The following SI variants were observed in gnomAD, a reference collection of about 807,000 sequenced individuals.
The protein encoded by SI is sucrase-isomaltase, intestinal.
In SI, 235 loss-of-function variants were observed where a neutral mutation model predicts 253.3. The observed-to-expected ratio is 0.93, with a 90% CI of 0.83 to 1.03. The LOEUF is 1.03. SI is among the 50% of genes least tolerant of loss of function. The pLI, the probability that SI is intolerant of heterozygous loss-of-function variation, is 0.00. For missense variants in SI, 2,442 were observed against 2,211.1 expected, an observed-to-expected ratio of 1.10 and a Z score of -2.09; for synonymous variants, 819 against 712.0, an observed-to-expected ratio of 1.15 and a Z score of -2.39.
At chr3:164,998,396 G>A (rs750440426) in intron 38 of SI, 144 bp downstream of exon 38, 18 of 805,544 alleles carry the variant, frequency 2.2e-5, no homozygotes, top group Admixed American at 1.8e-4. Flanking sequence ...CTGGCCCACT[G>A]TCTTTTTCTG....
chr3:165,077,279 C>T (rs903387246), intron 1 of SI, among the ~76,000 whole-genome samples: 2 of 151,578 alleles, frequency 1.3e-5, no homozygotes, highest in African/African-American at 4.8e-5. Context: ...AATTCAAATG[C>T]CATGGTGAGT....
Position 165,043,635 on chromosome 3 carries a change from C to A in SI, c.1888-460G>T, listed in dbSNP as rs144485111. Among the ~76,000 whole-genome samples the A allele has an allele frequency of 4.3e-3, 652 of 152,070 alleles. 1 individual carries two copies. Among genetic ancestry groups the A allele is most frequent in the Non-Finnish European group, 7.2e-3 (487 of 67,938 alleles). On this transcript the variant is annotated intron_variant, in intron 16 of 47. Transcript: ENST00000264382. The stretch of plus-strand genomic sequence containing the variant: ...ATTAATTATTCTGAATAAAATTGAG[C>A]TTTGCCCGATGTGTACCCATGTAAG...
At chr3:165,073,548 T>C (rs1313878580) in intron 3 of SI, among the ~76,000 whole-genome samples, 3 of 152,168 alleles carry the variant, frequency 2.0e-5, no homozygotes, top group South Asian at 2.1e-4. Context: ...ATAAATTTTA[T>C]AGTTTATTCA....
At chr3:165,057,996 C>T (rs1713779096) in intron 12 of SI, among the ~76,000 whole-genome samples, 1 of 151,750 alleles carries the variant, frequency 6.6e-6, no homozygotes, top group Non-Finnish European at 1.5e-5. Flanking sequence ...TTTTTCAGCA[C>T]ATGAATTATT....
chr3:165,055,389 T>A, intron 12 of SI, 82 bp from the exon 13 acceptor site: 1 of 790,600 alleles, frequency 1.3e-6, no homozygotes, highest in Admixed American at 2.1e-5. Flanking sequence ...AAGTTGAGAA[T>A]AGTAAAAAAA....
chr3:165,072,383 A>C (rs940143435), intron 3 of SI, among the ~76,000 whole-genome samples: 1 of 152,054 alleles, frequency 6.6e-6, no homozygotes, highest in Non-Finnish European at 1.5e-5. Flanking sequence ...TATTTAATGA[A>C]AAGTATTATT....
chr3:165,013,986 C>G (rs760676571), intron 33 of SI, among the ~76,000 whole-genome samples: 1 of 152,120 alleles, frequency 6.6e-6, no homozygotes, highest in Non-Finnish European at 1.5e-5. Flanking sequence ...CTCAGCCACT[C>G]AAACTGCAAG....
At position 165,039,097 on chromosome 3, in the gene SI, A is replaced by G. The variant is rs1712683433; in HGVS notation, c.2282T>C (p.Ile761Thr). ...DTVSAYIPDAIWYDYESGAKR... is the reference protein window; with the variant it reads ...DTVSAYIPDATWYDYESGAKR... ...ACTTACAGATTCATAATCATACCAAATAGCATCAGGGATGTAGGCACTCAC... is the reference window on the plus strand; with the variant it reads ...ACTTACAGATTCATAATCATACCAAGTAGCATCAGGGATGTAGGCACTCAC... Residue 761 changes from isoleucine (I) to threonine (T), a missense_variant, in exon 20 of 48, where the codon ATT becomes ACT. By Grantham distance (89) the Ile-to-Thr change is moderately conservative. Coordinates refer to ENST00000264382, the MANE Select transcript of SI (RefSeq NM_001041.4). 1.3e-6 allele frequency: 2 copies of G among 1,593,118 alleles called. No homozygotes were observed. Among genetic ancestry groups the G allele is most frequent in the African/African-American group, 1.3e-5 (1 of 74,478 alleles).
In SI at chr3:164,994,376, A is replaced by T; in HGVS notation, c.4722T>A (p.Thr1574=). The change falls in exon 41 of 48, where the codon ACT becomes ACA. Residue 1574 remains threonine (T), a synonymous_variant. Transcript: ENST00000264382. ...RRQDPASWNE[T]FAEMSRNILN... Reference sequence around the variant, plus strand: ...GAATATTCCTTGACATTTCAGCAAAAGTTTCATTCCAGGAAGCGGGATCTT... The same window carrying T: ...GAATATTCCTTGACATTTCAGCAAATGTTTCATTCCAGGAAGCGGGATCTT... 6.2e-7 allele frequency: 1 copy of T among 1,611,160 alleles called. No individual in the cohort carries two copies. The highest frequency in any genetic ancestry group is 8.5e-7 in the Non-Finnish European group (1 of 1,177,906).
At chr3:165,054,102 T>C (rs12186083) in intron 13 of SI, among the ~76,000 whole-genome samples, 88,657 of 151,870 alleles carry the variant, frequency 0.58, 26,255 homozygotes, top group East Asian at 0.81. Context: ...GATAGATACA[T>C]GGTGCAAAAT....
chr3:165,066,480 T>C (rs1273533388), intron 6 of SI, among the ~76,000 whole-genome samples: 1 of 151,934 alleles, frequency 6.6e-6, no homozygotes, highest in Non-Finnish European at 1.5e-5. Flanking sequence ...ACTTTTGCAA[T>C]ATATATTAAA....
chr3:165,056,723 C>T (rs1340771098), intron 12 of SI, among the ~76,000 whole-genome samples: 2 of 152,098 alleles, frequency 1.3e-5, no homozygotes. Flanking sequence ...TAGAACAGCG[C>T]TAGCCATAGG....
chr3:164,981,258 A>C (rs1173741604), intron 47 of SI, among the ~76,000 whole-genome samples: 2 of 152,074 alleles, frequency 1.3e-5, no homozygotes. Context: ...AGAAAAACAT[A>C]GTTCCATATT....
At chr3:164,991,258 C>T (rs988697337) in intron 44 of SI, 95 bp downstream of exon 44, 28 of 1,391,504 alleles carry the variant, frequency 2.0e-5, no homozygotes, top group Non-Finnish European at 2.7e-5. Flanking sequence ...ACTAGCTTGG[C>T]GATGGGTTAA....
intron 43 of SI, among the ~76,000 whole-genome samples, 178 bp downstream of exon 43, chr3:164,991,999 T>A (rs1199735866): frequency 2.6e-5 from 4 of 152,168 alleles, no homozygotes; most frequent in African/African-American, 7.2e-5. Flanking sequence ...TGTAGCAGAA[T>A]AAATTAACTC....
In SI at chr3:165,041,139, A is replaced by G. The variant is rs749404288; in HGVS notation, c.2005-45T>C. ...ATTAAAATAAGAAAGCTAAAGTATG[A>G]GTGAAAATTAAAGTAGAAGCATTTT... On this transcript the variant is annotated intron_variant, in intron 17 of 47. Coordinates refer to ENST00000264382, the MANE Select transcript of SI (RefSeq NM_001041.4). The G allele has an allele frequency of 1.9e-6, 3 of 1,571,340 alleles. No homozygotes were observed. The African/African-American group carries it at 4.1e-5, about 21-fold the overall frequency.
chr3:165,016,024 A>C lies in SI; in HGVS notation c.3816T>G (p.Gly1272=). Reference sequence around the variant, plus strand: ...ACTGAGGAAGGTCCTGGAATGCTTCACCAATTGTAAAGTCTAGCTGCCTTT... The same window carrying C: ...ACTGAGGAAGGTCCTGGAATGCTTCCCCAATTGTAAAGTCTAGCTGCCTTT... The part of the protein sequence containing the change: ...YMERQLDFTI[G]EAFQDLPQFV... Residue 1272 remains glycine, a synonymous_variant, in exon 32 of 48, where the codon GGT becomes GGG. Transcript: ENST00000264382. 6.2e-7 allele frequency: 1 copy of C among 1,612,290 alleles called. No homozygotes were observed. The highest frequency in any genetic ancestry group is 2.2e-5 in the East Asian group (1 of 44,774).
chr3:165,019,599 T>C lies in SI; in HGVS notation c.3423+3A>G, dbSNP rs766943944. ...CGTGGAGTGGTCATATGTTGGTACC[T>C]ACACCAGGGGGTTGGTCTCTTGTGA... On this transcript the variant is annotated splice_donor_region_variant and intron_variant, in intron 28 of 47. Transcript: ENST00000264382. 24 of 1,611,818 alleles carry C rather than the reference T, an allele frequency of 1.5e-5. No homozygotes were observed. The highest frequency in any genetic ancestry group is 1.3e-4 in the East Asian group (6 of 44,790).
chr3:165,071,725 C>T (rs1444366516), intron 3 of SI, among the ~76,000 whole-genome samples: 1 of 151,876 alleles, frequency 6.6e-6, no homozygotes, highest in Non-Finnish European at 1.5e-5. Context: ...GAAAAGACAG[C>T]GAAGATCTCT....
Sources: allele counts gnomAD v4.1 joint callset (sites outside exome capture counted in the v4.1 genomes callset), GRCh38; gene constraint gnomAD v4.1.1; transcripts MANE v1.5; gene names NCBI Gene and HGNC (gene_info 2026-07-23, HGNC 2026-07-21).